KCNG3: variants seen among roughly 807,000 people sequenced by gnomAD.
The protein encoded by KCNG3 is voltage-gated potassium channel regulatory subunit KCNG3.
KCNG3 carries 15 observed loss-of-function variants against 29.0 expected under a neutral mutation model. The observed-to-expected ratio is 0.52, with a 90% CI of 0.35 to 0.80. The LOEUF (loss-of-function observed/expected upper bound fraction) is 0.80, where lower values mean the gene tolerates loss of function less well. Among genes scored for constraint, KCNG3 ranks in the 30% least tolerant of loss-of-function variants. The probability of loss-of-function intolerance (pLI) is 0.01; values close to 1 mark genes in which losing one functional copy is unlikely to be tolerated. For synonymous variants in KCNG3, 322 were observed against 248.9 expected (o/e 1.29, Z -2.76); for missense variants, 512 against 605.7 (o/e 0.85, Z 1.62).
intron 1 of KCNG3, among the ~76,000 whole-genome samples, chr2:42,450,876 G>C (rs141665285): frequency 5.4e-4 from 82 of 152,290 alleles, no homozygotes; most frequent in African/African-American, 2.0e-3. Context: ...GGAGCATTTG[G>C]AAATGCAAAT....
At chr2:42,427,620 T>G in the KCNG3 span, among the ~76,000 whole-genome samples, 45 of 151,486 alleles carry the variant, frequency 3.0e-4, no homozygotes, top group African/African-American at 9.9e-4. Flanking sequence ...AAAAAAAAAA[T>G]TATTTCAACA....
At chr2:42,489,757 G>T (rs902516961) in intron 1 of KCNG3, among the ~76,000 whole-genome samples, 1 of 152,316 alleles carries the variant, frequency 6.6e-6, no homozygotes, top group Admixed American at 6.5e-5. Context: ...AATGAAGACT[G>T]CAAGTGGCAG....
In KCNG3 at chr2:42,493,692, T is replaced by C; in HGVS notation, c.-191A>G. The C allele has an allele frequency of 2.6e-6, 1 of 391,848 alleles. No individual in the cohort carries two copies. Among genetic ancestry groups the C allele is most frequent in the South Asian group, 1.4e-4 (1 of 7,322 alleles). 24.3% of individuals were successfully genotyped at this position (391,848 alleles called of 1,614,324 possible). ...GCTCGAGTATCTCCGGCGCTGCTAG[T>C]AGCGCGCCCTCCGCCCGGCGGTACC... On this transcript the variant is annotated 5_prime_UTR_variant, in exon 1 of 2. Coordinates refer to ENST00000306078, the MANE Select transcript of KCNG3 (RefSeq NM_133329.6).
chr2:42,490,419 T>C (rs1309378778), intron 1 of KCNG3, among the ~76,000 whole-genome samples: 5 of 151,798 alleles, frequency 3.3e-5, no homozygotes, highest in African/African-American at 1.2e-4. Flanking sequence ...CTACTAAAAA[T>C]GCAAAAAATA....
chr2:42,476,978 G>A (rs915703550), intron 1 of KCNG3, among the ~76,000 whole-genome samples: 2 of 148,428 alleles, frequency 1.3e-5, no homozygotes, highest in Non-Finnish European at 3.0e-5. Context: ...GAGGTCCGGA[G>A]ATCGAGACCA....
intron 1 of KCNG3, among the ~76,000 whole-genome samples, chr2:42,475,600 G>A (rs958642370): frequency 2.0e-5 from 3 of 149,160 alleles, no homozygotes; most frequent in African/African-American, 5.0e-5. Context: ...AAAGTTCTGT[G>A]ATTACAGGCA....
chr2:42,473,082 G>A (rs1032941389), intron 1 of KCNG3, among the ~76,000 whole-genome samples: 1 of 150,874 alleles, frequency 6.6e-6, no homozygotes, highest in Non-Finnish European at 1.5e-5. Context: ...ATTTTTAGTA[G>A]AGACGGGGTT....
At chr2:42,479,358 G>A (rs1331546439) in intron 1 of KCNG3, among the ~76,000 whole-genome samples, 1 of 152,094 alleles carries the variant, frequency 6.6e-6, no homozygotes, top group Non-Finnish European at 1.5e-5. Flanking sequence ...TATAAAAGTG[G>A]AATAGCCAGG....
chr2:42,430,752 TCAAAA>T, the KCNG3 span, among the ~76,000 whole-genome samples: 1 of 151,360 alleles, frequency 6.6e-6, no homozygotes, highest in Non-Finnish European at 1.5e-5. Context: ...AAATTCTGTT[TCAAAA>T]CAAAACAAAA....
intron 1 of KCNG3, among the ~76,000 whole-genome samples, chr2:42,452,243 A>ATATATATATATATATATATATATATATTT: frequency 4.2e-5 from 4 of 95,064 alleles, no homozygotes; most frequent in African/African-American, 1.6e-4. Context: ...ATATATATAT[A>ATATATATATATATATATATATATATATTT]TTTTTTTTTT....
chr2:42,436,146 C>T, the KCNG3 span, among the ~76,000 whole-genome samples: 2 of 152,278 alleles, frequency 1.3e-5, no homozygotes, highest in African/African-American at 4.8e-5. Flanking sequence ...AGGCCAGCCA[C>T]ATATCATATG....
the KCNG3 span, among the ~76,000 whole-genome samples, chr2:42,393,088 T>C: frequency 6.6e-6 from 1 of 152,272 alleles, no homozygotes; most frequent in South Asian, 2.1e-4. Context: ...CTGTGCCTCA[T>C]TTCTTATCTG....
At chr2:42,418,101 TTAAC>T in the KCNG3 span, among the ~76,000 whole-genome samples, 1 of 152,156 alleles carries the variant, frequency 6.6e-6, no homozygotes, top group African/African-American at 2.4e-5. Flanking sequence ...ACAATGTTGT[TTAAC>T]CATCACCACT....
chr2:42,446,194 T>G (rs1349068266), intron 1 of KCNG3, among the ~76,000 whole-genome samples: 1 of 151,748 alleles, frequency 6.6e-6, no homozygotes, highest in African/African-American at 2.4e-5. Flanking sequence ...TTTTTTTAAT[T>G]GAGATGGAGT....
At chr2:42,450,900 T>C (rs189167068) in intron 1 of KCNG3, among the ~76,000 whole-genome samples, 1 of 152,292 alleles carries the variant, frequency 6.6e-6, no homozygotes, top group Admixed American at 6.5e-5. Flanking sequence ...TTTATGACAA[T>C]GTCCATTGTT....
chr2:42,392,141 G>T, the KCNG3 span, among the ~76,000 whole-genome samples: 1 of 152,166 alleles, frequency 6.6e-6, no homozygotes, highest in East Asian at 1.9e-4. Flanking sequence ...CTAAGAAAAT[G>T]ATGCTAAATG....
chr2:42,449,838 G>A (rs544124299), intron 1 of KCNG3, among the ~76,000 whole-genome samples: 67 of 152,284 alleles, frequency 4.4e-4, no homozygotes, highest in African/African-American at 1.3e-3. Flanking sequence ...AGGGATTGCA[G>A]GAGCACGCAG....
chr2:42,459,900 C>T (rs546458725), intron 1 of KCNG3, among the ~76,000 whole-genome samples: 6 of 151,274 alleles, frequency 4.0e-5, no homozygotes, highest in South Asian at 2.1e-4. Context: ...GGTGTGAACC[C>T]GGGAGGTGGA....
Position 42,493,157 on chromosome 2 carries a change from G to A in KCNG3, c.345C>T (p.Arg115=). The A allele has an allele frequency of 3.1e-6, 5 of 1,606,834 alleles. No individual in the cohort carries two copies. Among genetic ancestry groups the A allele is most frequent in the Non-Finnish European group, 4.2e-6 (5 of 1,179,436 alleles). Residue 115 remains arginine (R), a synonymous_variant, in exon 1 of 2, where the codon CGC becomes CGT. Transcript: ENST00000306078. ...AGGTGTCGGACATGCGGTCGTCGAG[G>A]CGGCGCTGGCAGCAGTACTCGAGGT... is the stretch of plus-strand genomic sequence containing the variant. ...GAHLEYCCQR[R]LDDRMSDTYT... is the part of the protein sequence containing the mutation.
Sources: gnomAD v4.1 joint callset for allele counts (sites outside exome capture counted in the v4.1 genomes callset) on GRCh38, gnomAD v4.1.1 for gene constraint, MANE v1.5 for transcripts, NCBI Gene and HGNC (gene_info 2026-07-23, HGNC 2026-07-21) for gene names.